Variants in CTNND2 observed in about 807,000 individuals in gnomAD.
The protein encoded by CTNND2 is catenin delta 2.
CTNND2 carries 22 observed loss-of-function variants against 144.4 expected under a neutral mutation model. The observed-to-expected ratio is 0.15, with a 90% CI of 0.11 to 0.22. CTNND2 has a LOEUF of 0.22. CTNND2 is among the 10% of genes least tolerant of loss of function. The pLI, the probability that CTNND2 is intolerant of heterozygous loss-of-function variation, is 1.00. For synonymous variants in CTNND2, 751 were observed against 695.6 expected (o/e 1.08, Z -1.25); for missense variants, 1,353 against 1,618.8 (o/e 0.84, Z 2.82).
intron 2 of CTNND2, among the ~76,000 whole-genome samples, chr5:11,699,466 C>T (rs1265260625): frequency 1.3e-5 from 2 of 152,054 alleles, no homozygotes. Context: ...GTTCAATTTG[C>T]TTATGGGGCA....
At chr5:11,001,937 G>C (rs1048223512) in intron 18 of CTNND2, among the ~76,000 whole-genome samples, 49 of 152,146 alleles carry the variant, frequency 3.2e-4, no homozygotes, top group African/African-American at 1.2e-3. Flanking sequence ...CCCTGGGTGG[G>C]TGCTGACTCA....
intron 11 of CTNND2, among the ~76,000 whole-genome samples, chr5:11,182,826 G>T (rs1362427177): frequency 2.6e-5 from 4 of 152,162 alleles, no homozygotes; most frequent in Non-Finnish European, 2.9e-5. Context: ...TAGCAACTCA[G>T]ATTGTGTTTC....
At position 11,259,891 on chromosome 5, in the gene CTNND2, C is replaced by T. The variant is rs141536410; in HGVS notation, c.1629-23068G>A. On this transcript the variant is annotated intron_variant, in intron 9 of 21. Coordinates refer to ENST00000304623, the MANE Select transcript of CTNND2 (RefSeq NM_001332.4). ...GTATCAAGACTGTGGACCCAGAGAG[C>T]TGTTCATCTGCTGTGCTTTTTCACT... 6.4e-3 allele frequency among the ~76,000 whole-genome samples: 975 copies of T among 152,296 alleles called. 9 individuals are homozygous for T. Among genetic ancestry groups the T allele is most frequent in the African/African-American group, 0.022 (916 of 41,556 alleles).
At chr5:11,874,726 A>C (rs896097850) in intron 1 of CTNND2, among the ~76,000 whole-genome samples, 1 of 152,174 alleles carries the variant, frequency 6.6e-6, no homozygotes, top group African/African-American at 2.4e-5. Context: ...TATTTGTGTA[A>C]TTTTCTATTT....
intron 16 of CTNND2, chr5:11,027,170 T>G (rs1414845887): frequency 2.0e-5 from 3 of 152,192 alleles, no homozygotes; most frequent in Non-Finnish European, 4.4e-5. Context: ...TCCACTATCA[T>G]GGACTCACAT....
intron 2 of CTNND2, among the ~76,000 whole-genome samples, chr5:11,704,841 A>G (rs1785620313): frequency 6.6e-6 from 1 of 151,870 alleles, no homozygotes; most frequent in Non-Finnish European, 1.5e-5. Flanking sequence ...ACCCACTGCA[A>G]TGGAGGAAAA....
At chr5:11,644,001 G>C (rs548010677) in intron 2 of CTNND2, among the ~76,000 whole-genome samples, 4 of 152,262 alleles carry the variant, frequency 2.6e-5, no homozygotes, top group African/African-American at 9.6e-5. Context: ...TCCAGCTGTT[G>C]AATACATAAA....
intron 1 of CTNND2, among the ~76,000 whole-genome samples, chr5:11,794,392 TATATA>T (rs1217948909): frequency 1.3e-5 from 2 of 152,322 alleles, no homozygotes; most frequent in African/African-American, 4.8e-5. Flanking sequence ...TAAAAGGCGT[TATATA>T]ATTAGGTGAT....
chr5:11,658,846 T>C (rs1783045980), intron 2 of CTNND2, among the ~76,000 whole-genome samples: 2 of 152,336 alleles, frequency 1.3e-5, no homozygotes, highest in South Asian at 4.1e-4. Context: ...AAATTTTCAA[T>C]CATAGTTTTA....
At chr5:11,754,468 G>A (rs1788804036) in intron 1 of CTNND2, among the ~76,000 whole-genome samples, 1 of 151,082 alleles carries the variant, frequency 6.6e-6, no homozygotes, top group Non-Finnish European at 1.5e-5. Flanking sequence ...GTAGATGTTT[G>A]TTAGATCTAT....
At chr5:11,348,437 C>CAAAAAAAAAAAAAAAAAAA (rs3034056) in intron 8 of CTNND2, among the ~76,000 whole-genome samples, 3 of 114,722 alleles carry the variant, frequency 2.6e-5, no homozygotes, top group Non-Finnish European at 3.6e-5. Context: ...AAATCAAGGG[C>CAAAAAAAAAAAAAAAAAAA]AAAAAAAAAA....
intron 2 of CTNND2, among the ~76,000 whole-genome samples, chr5:11,660,487 T>C (rs1013770895): frequency 1.3e-5 from 2 of 152,126 alleles, no homozygotes; most frequent in Non-Finnish European, 2.9e-5. Context: ...CAGATGGAAA[T>C]GACCAGTAGA....
At chr5:11,715,826 A>T (rs547561588) in intron 2 of CTNND2, among the ~76,000 whole-genome samples, 1 of 152,354 alleles carries the variant, frequency 6.6e-6, no homozygotes, top group South Asian at 2.1e-4. Context: ...AAAAATGAAA[A>T]TGACAAAAAA....
chr5:11,881,617 C>CT (rs1227035020), intron 1 of CTNND2, among the ~76,000 whole-genome samples: 1 of 151,732 alleles, frequency 6.6e-6, no homozygotes, highest in Non-Finnish European at 1.5e-5. Context: ...AGATTTCATT[C>CT]TTTTTTTATT....
At chr5:11,358,776 A>AT (rs5865934) in intron 8 of CTNND2, among the ~76,000 whole-genome samples, 74,585 of 151,936 alleles carry the variant, frequency 0.49, 18,473 homozygotes, top group Non-Finnish European at 0.49. Context: ...ATGTGTAACT[A>AT]TTTCACCACA....
At chr5:11,875,533 T>C (rs1406316532) in intron 1 of CTNND2, among the ~76,000 whole-genome samples, 3 of 152,130 alleles carry the variant, frequency 2.0e-5, no homozygotes, top group Non-Finnish European at 2.9e-5. Context: ...CCAGGGGCCT[T>C]TGAGAGAAAA....
intron 9 of CTNND2, among the ~76,000 whole-genome samples, chr5:11,290,755 C>T (rs1234345186): frequency 6.6e-6 from 1 of 152,104 alleles, no homozygotes; most frequent in African/African-American, 2.4e-5. Context: ...GTGCTCAGAT[C>T]CCTCTATCAC....
chr5:11,430,316 C>T (rs1179491310), intron 3 of CTNND2, among the ~76,000 whole-genome samples: 2 of 61,598 alleles, frequency 3.2e-5, no homozygotes, highest in Non-Finnish European at 6.4e-5. Context: ...GTATAAAAAA[C>T]ATAGAAAGGA....
chr5:11,745,315 A>C (rs1788248232), intron 1 of CTNND2, among the ~76,000 whole-genome samples: 1 of 152,036 alleles, frequency 6.6e-6, no homozygotes, highest in Non-Finnish European at 1.5e-5. Context: ...TTCGTGGGAT[A>C]CTATATTATT....
Sources: allele counts gnomAD v4.1 joint callset (sites outside exome capture counted in the v4.1 genomes callset), GRCh38; gene constraint gnomAD v4.1.1; transcripts MANE v1.5; gene names NCBI Gene and HGNC (gene_info 2026-07-23, HGNC 2026-07-21).